Variants in NUDT3 observed in about 807,000 individuals in gnomAD.
NUDT3 encodes diphosphoinositol polyphosphate phosphohydrolase 1.
NUDT3 carries 9 observed loss-of-function variants against 23.6 expected under a neutral mutation model. That is an observed-to-expected ratio of 0.38 (90% CI 0.23 to 0.66). NUDT3 has a LOEUF of 0.66. NUDT3 is among the 30% of genes least tolerant of loss of function. The probability of loss-of-function intolerance (pLI) is 0.52; values close to 1 mark genes in which losing one functional copy is unlikely to be tolerated. For missense variants in NUDT3, 172 were observed against 218.5 expected, an observed-to-expected ratio of 0.79 and a Z score of 1.34; for synonymous variants, 86 against 82.6, an observed-to-expected ratio of 1.04 and a Z score of -0.22.
chr6:34,376,576 C>T (rs930935943), intron 1 of NUDT3, among the ~76,000 whole-genome samples: 1 of 152,182 alleles, frequency 6.6e-6, no homozygotes, highest in African/African-American at 2.4e-5. Context: ...CATGCATGGT[C>T]TCCTTTATCT....
At chr6:34,369,751 TTA>T (rs1220867530) in intron 1 of NUDT3, among the ~76,000 whole-genome samples, 54 of 152,070 alleles carry the variant, frequency 3.6e-4, no homozygotes, top group Admixed American at 3.5e-3. Context: ...TTATAACTTA[TTA>T]TAACTGAATA....
intron 1 of NUDT3, among the ~76,000 whole-genome samples, chr6:34,386,385 A>T (rs1363140806): frequency 6.6e-6 from 1 of 152,206 alleles, no homozygotes; most frequent in African/African-American, 2.4e-5. Flanking sequence ...CATTTTCATC[A>T]TGCTGTTTGG....
intron 2 of NUDT3, among the ~76,000 whole-genome samples, chr6:34,331,820 G>A (rs911444162): frequency 3.3e-5 from 5 of 152,130 alleles, no homozygotes; most frequent in African/African-American, 1.2e-4. Flanking sequence ...CTTGAATAAT[G>A]TTGATCCTTG....
intron 3 of NUDT3, among the ~76,000 whole-genome samples, chr6:34,294,865 G>A (rs190384972): frequency 1.8e-4 from 28 of 152,218 alleles, no homozygotes; most frequent in African/African-American, 6.3e-4. Flanking sequence ...ACCCTCAAGA[G>A]ATCTTCCTGT....
In NUDT3 at chr6:34,299,256, G is replaced by C. The variant is rs193019189; in HGVS notation, c.211-3571C>G. 2.0e-4 allele frequency among the ~76,000 whole-genome samples: 30 copies of C among 152,264 alleles called. No individual in the cohort carries two copies. The East Asian group carries it at 5.4e-3, about 27-fold the overall frequency. On this transcript the variant is annotated intron_variant, in intron 2 of 4. Transcript: ENST00000607016. Reference sequence around the variant, plus strand: ...TTGGTCCCATCAGGATGCTGGTATGGATCTGTCTTTTGCAAAATTATACGA... The same window carrying C: ...TTGGTCCCATCAGGATGCTGGTATGCATCTGTCTTTTGCAAAATTATACGA...
In NUDT3 at chr6:34,372,797, T is replaced by G. The variant is rs186007788; in HGVS notation, c.99+19467A>C. Among the ~76,000 whole-genome samples, 663 of 151,650 alleles carry G rather than the reference T, an allele frequency of 4.4e-3. 2 individuals carry two copies. The highest frequency in any genetic ancestry group is 0.015 in the African/African-American group (629 of 41,352). ...CCAGCCTGGGCAACAAGAGCAAAAC[T>G]CCATCTTTAAAAAATATATATATAT... On this transcript the variant is annotated intron_variant, in intron 1 of 4. Coordinates refer to ENST00000607016, the MANE Select transcript of NUDT3 (RefSeq NM_006703.4).
At chr6:34,289,615 G>T (rs1763388213) in intron 4 of NUDT3, among the ~76,000 whole-genome samples, 1 of 152,110 alleles carries the variant, frequency 6.6e-6, no homozygotes, top group Non-Finnish European at 1.5e-5. Context: ...TACTAGGATG[G>T]CTGGTTTGTA....
intron 1 of NUDT3, among the ~76,000 whole-genome samples, chr6:34,389,836 C>A (rs1327349888): frequency 6.6e-6 from 1 of 151,814 alleles, no homozygotes; most frequent in Non-Finnish European, 1.5e-5. Context: ...TGGTCGCGGG[C>A]ACCTGTAGTC....
chr6:34,335,120 T>C (rs1267009754), intron 2 of NUDT3, among the ~76,000 whole-genome samples: 2 of 152,118 alleles, frequency 1.3e-5, no homozygotes, highest in Non-Finnish European at 2.9e-5. Flanking sequence ...AATGGAAACA[T>C]ACAGCATGAG....
Position 34,295,623 on chromosome 6 carries a change from A to C in NUDT3, c.255+18T>G. On this transcript the variant is annotated intron_variant, in intron 3 of 4. Transcript: ENST00000607016. ...TATTAATACATATCATTTGTACCAA[A>C]GATTTTAACAGACTTACCTCAAAAA... 6.2e-7 allele frequency: 1 copy of C among 1,613,700 alleles called. No homozygotes were observed. Among genetic ancestry groups the C allele is most frequent in the Non-Finnish European group, 8.5e-7 (1 of 1,179,750 alleles).
In NUDT3 at chr6:34,286,915, C is replaced by G. The variant is rs979446882; in HGVS notation, c.*1838G>C. 2 of 151,890 alleles carry G rather than the reference C, an allele frequency of 1.3e-5. No homozygotes were observed. The highest frequency in any genetic ancestry group is 2.9e-5 in the Non-Finnish European group (2 of 67,988). The allele number at this position is 151,890 out of a possible 1,614,324, so 9.4% of individuals were successfully genotyped here. ...AAGCGATTATCTCGCCTCAGCCTCC[C>G]AAGTAGCTGGGATTACAGGCGCCCA... is the stretch of plus-strand genomic sequence containing the variant. On this transcript the variant is annotated 3_prime_UTR_variant, in exon 5 of 5. Coordinates refer to ENST00000607016, the MANE Select transcript of NUDT3 (RefSeq NM_006703.4).
chr6:34,303,033 T>G (rs1017880938), intron 2 of NUDT3, among the ~76,000 whole-genome samples: 1 of 152,184 alleles, frequency 6.6e-6, no homozygotes, highest in African/African-American at 2.4e-5. Flanking sequence ...GCCATTTTTG[T>G]ACCTTTATCC....
rs934860932 is a variant in NUDT3, at chr6:34,392,424, C to T, written c.-62G>A. ...GGAGTCGAGGGGTGGGGAGCCCGCT[C>T]TGGACGGCCGCGTGCGCGCGCGCCC... is the stretch of plus-strand genomic sequence containing the variant. On this transcript the variant is annotated 5_prime_UTR_variant, in exon 1 of 5. Transcript: ENST00000607016. 1 of 1,346,862 alleles carries T rather than the reference C, an allele frequency of 7.4e-7. No individual in the cohort carries two copies. Among genetic ancestry groups the T allele is most frequent in the Admixed American group, 2.0e-5 (1 of 49,554 alleles). The allele number at this position is 1,346,862 out of a possible 1,614,324, so 83.4% of individuals were successfully genotyped here.
intron 1 of NUDT3, among the ~76,000 whole-genome samples, chr6:34,386,873 G>C (rs1223174062): frequency 2.0e-5 from 3 of 152,304 alleles, no homozygotes; most frequent in African/African-American, 4.8e-5. Context: ...CCAGCACTTA[G>C]GGAGGCTGAG....
Position 34,283,201 on chromosome 6 carries a change from T to TC in NUDT3, c.*5551dup, listed in dbSNP as rs1763297135. The TC allele has an allele frequency of 8.2e-6, 1 of 122,360 alleles. No individual in the cohort carries two copies. Among genetic ancestry groups the TC allele is most frequent in the Non-Finnish European group, 1.9e-5 (1 of 52,880 alleles). 7.6% of individuals were successfully genotyped at this position (122,360 alleles called of 1,614,324 possible). On this transcript the variant is annotated 3_prime_UTR_variant, in exon 5 of 5. Coordinates refer to ENST00000607016, the MANE Select transcript of NUDT3 (RefSeq NM_006703.4). ...CACAAAATGGGATTCCCTTCCCTTT[T>TC]CTTTTTTTTTTTTTTTTTTTTGAGA... is the stretch of plus-strand genomic sequence containing the variant.
intron 1 of NUDT3, among the ~76,000 whole-genome samples, chr6:34,369,560 G>A (rs1268676818): frequency 1.3e-5 from 2 of 152,124 alleles, no homozygotes; most frequent in Admixed American, 6.6e-5. Flanking sequence ...GTAAGATAAC[G>A]TCAAACAGCG....
intron 1 of NUDT3, among the ~76,000 whole-genome samples, chr6:34,366,023 A>C (rs939907460): frequency 6.6e-6 from 1 of 151,732 alleles, no homozygotes; most frequent in African/African-American, 2.4e-5. Context: ...CCTGAGAGCC[A>C]GAGCGAGACT....
rs1561920201 is a variant in NUDT3, at chr6:34,366,478, AGGG to A, written c.100-24509_100-24507del. ...AGAGAGAAAGAGAGAGAGGGAAGGG[AGGG>A]AGGGAGGGAGGGAGGGAGGGAGGGA... On this transcript the variant is annotated intron_variant, in intron 1 of 4. Transcript: ENST00000607016. Among the ~76,000 whole-genome samples, 11 of 17,734 alleles carry A rather than the reference AGGG, an allele frequency of 6.2e-4. 1 individual carries two copies. The highest frequency in any genetic ancestry group is 7.8e-4 in the Admixed American group (1 of 1,282). The allele number at this position is 17,734 out of a possible 152,430, so 11.6% of individuals were successfully genotyped here. A position where few individuals can be genotyped will look rare whatever the true frequency, so the allele number is the denominator to read the frequency against.
At chr6:34,342,494 C>T (rs2113735356) in intron 1 of NUDT3, among the ~76,000 whole-genome samples, 1 of 152,254 alleles carries the variant, frequency 6.6e-6, no homozygotes, top group East Asian at 1.9e-4. Context: ...ATACACCACC[C>T]TAGACTCTAA....
Sources: gnomAD v4.1 joint callset for allele counts (sites outside exome capture counted in the v4.1 genomes callset) on GRCh38, gnomAD v4.1.1 for gene constraint, MANE v1.5 for transcripts, NCBI Gene and HGNC (gene_info 2026-07-23, HGNC 2026-07-21) for gene names.